Variants in LDAH observed in about 807,000 individuals in gnomAD.
LDAH encodes lipid droplet associated hydrolase.
Under a neutral mutation model 29.6 loss-of-function variants are expected in LDAH, and 26 were observed. The observed-to-expected ratio is 0.88, with a 90% confidence interval of 0.64 to 1.22. LDAH has a LOEUF of 1.22. Among genes scored for constraint, LDAH ranks in the 50% most tolerant of loss-of-function variants. The pLI, the probability that LDAH is intolerant of heterozygous loss-of-function variation, is 0.00. For synonymous variants in LDAH, 117 were observed against 133.0 expected (o/e 0.88, Z 0.83); for missense variants, 344 against 387.3 (o/e 0.89, Z 0.94).
intron 6 of LDAH, among the ~76,000 whole-genome samples, chr2:20,695,542 T>C (rs1481373757): frequency 6.7e-6 from 1 of 148,178 alleles, no homozygotes; most frequent in Non-Finnish European, 1.5e-5. Flanking sequence ...AACCTCCCCC[T>C]CCTGGGTTCA....
chr2:20,770,874 T>A (rs542987569), intron 4 of LDAH, among the ~76,000 whole-genome samples: 121 of 152,322 alleles, frequency 7.9e-4, no homozygotes, highest in African/African-American at 2.9e-3. Context: ...GCAAGGGACC[T>A]TTCTCTCACT....
intron 3 of LDAH, among the ~76,000 whole-genome samples, chr2:20,777,171 G>A (rs917287459): frequency 6.6e-6 from 1 of 151,986 alleles, no homozygotes; most frequent in South Asian, 2.1e-4. Flanking sequence ...AAAGAAAATG[G>A]GCTAAATATT....
intron 1 of LDAH, among the ~76,000 whole-genome samples, chr2:20,808,052 A>G (rs993969200): frequency 6.6e-6 from 1 of 152,164 alleles, no homozygotes; most frequent in Non-Finnish European, 1.5e-5. Flanking sequence ...AGCAACAAAC[A>G]ATTTGAAAAT....
intron 1 of LDAH, among the ~76,000 whole-genome samples, chr2:20,809,967 A>T (rs1217637783): frequency 6.6e-6 from 1 of 152,238 alleles, no homozygotes. Flanking sequence ...TTAAGAAAAT[A>T]AAGTGTTCTC....
At chr2:20,730,276 C>G (rs1373685442) in intron 5 of LDAH, among the ~76,000 whole-genome samples, 2 of 152,178 alleles carry the variant, frequency 1.3e-5, no homozygotes, top group East Asian at 3.8e-4. Flanking sequence ...AATAAACATT[C>G]ATATACAGGT....
chr2:20,719,878 T>C (rs974310996), intron 5 of LDAH, among the ~76,000 whole-genome samples: 2 of 152,102 alleles, frequency 1.3e-5, no homozygotes, highest in African/African-American at 4.8e-5. Context: ...CATATGATTG[T>C]TTCAATACAT....
At chr2:20,783,750 C>T (rs759207385) in intron 3 of LDAH, among the ~76,000 whole-genome samples, 33 of 152,184 alleles carry the variant, frequency 2.2e-4, no homozygotes, top group Non-Finnish European at 3.4e-4. Context: ...CTCACTCTGT[C>T]GCCCAGACTA....
At chr2:20,794,249 G>A (rs1179189475) in intron 2 of LDAH, among the ~76,000 whole-genome samples, 4 of 152,104 alleles carry the variant, frequency 2.6e-5, no homozygotes, top group Admixed American at 2.0e-4. Flanking sequence ...GCATGAGAAA[G>A]ACCTGCTCCC....
At chr2:20,731,206 G>C (rs111352094) in intron 5 of LDAH, among the ~76,000 whole-genome samples, 3 of 152,294 alleles carry the variant, frequency 2.0e-5, no homozygotes, top group Admixed American at 6.5e-5. Context: ...AATCCCCAAT[G>C]TTGGAGGTGG....
intron 3 of LDAH, among the ~76,000 whole-genome samples, chr2:20,782,974 A>G (rs895608592): frequency 6.6e-6 from 1 of 152,104 alleles, no homozygotes; most frequent in Non-Finnish European, 1.5e-5. Flanking sequence ...ATTTCCTTCT[A>G]AGCACTAGTT....
chr2:20,812,460 C>A, intron 1 of LDAH, among the ~76,000 whole-genome samples: 1 of 152,122 alleles, frequency 6.6e-6, no homozygotes, highest in Non-Finnish European at 1.5e-5. Context: ...CATCTGGGTG[C>A]CTCATTGATG....
chr2:20,702,011 G>A (rs1026590067), intron 5 of LDAH, among the ~76,000 whole-genome samples: 3 of 151,102 alleles, frequency 2.0e-5, no homozygotes, highest in Admixed American at 2.0e-4. Context: ...AATAAATCAT[G>A]TATACCAAGA....
In LDAH at chr2:20,739,982, G is replaced by T. The variant is rs762231344; in HGVS notation, c.692C>A (p.Pro231Gln). ...AAATCTGTGCTTACCAAGGCAGAATGGTTCTAATATATTCAATGGTGAAAA... is the reference window on the plus strand; with the variant it reads ...AAATCTGTGCTTACCAAGGCAGAATTGTTCTAATATATTCAATGGTGAAAA... ...NEFSPLNILE[P>Q]FCLANAAYLG... Residue 231 changes from proline (P) to glutamine (Q), a missense_variant, in exon 5 of 7, where the codon CCA (proline) becomes CAA (glutamine). Physicochemically the swap from Pro to Gln is moderately conservative, Grantham distance 76. Coordinates refer to ENST00000237822, the MANE Select transcript of LDAH (RefSeq NM_021925.4). 2 of 1,611,868 alleles carry T rather than the reference G, an allele frequency of 1.2e-6. No homozygotes were observed. The highest frequency in any genetic ancestry group is 4.5e-5 in the East Asian group (2 of 44,856).
At chr2:20,784,485 C>T (rs1353373201) in intron 3 of LDAH, among the ~76,000 whole-genome samples, 1 of 152,122 alleles carries the variant, frequency 6.6e-6, no homozygotes, top group Non-Finnish European at 1.5e-5. Context: ...CTTTGTTATA[C>T]TTGTTCTTTC....
At chr2:20,683,036 C>G (rs1221309047), downstream of LDAH, among the ~76,000 whole-genome samples, 1 of 152,234 alleles carries the variant, frequency 6.6e-6, no homozygotes, top group African/African-American at 2.4e-5. Flanking sequence ...CCTCTTCTCT[C>G]TTCCAAGAGC....
In LDAH at chr2:20,790,238, T is replaced by C. The variant is rs765516893; in HGVS notation, c.298+17A>G. On this transcript the variant is annotated intron_variant, in intron 3 of 6. Coordinates refer to ENST00000237822, the MANE Select transcript of LDAH (RefSeq NM_021925.4). Reference sequence around the variant, plus strand: ...TGCACTCACTCTAAAGGAAAGTAGATATTAACAAGGACATACCCTCTGATG... The same window carrying C: ...TGCACTCACTCTAAAGGAAAGTAGACATTAACAAGGACATACCCTCTGATG... The C allele has an allele frequency of 2.5e-5, 40 of 1,613,384 alleles. No homozygotes were observed. Among genetic ancestry groups the C allele is most frequent in the Non-Finnish European group, 3.3e-5 (39 of 1,179,678 alleles).
chr2:20,760,648 T>C (rs549193339), intron 4 of LDAH, among the ~76,000 whole-genome samples: 1 of 152,342 alleles, frequency 6.6e-6, no homozygotes, highest in East Asian at 1.9e-4. Context: ...AGCTTTCAGC[T>C]TCTAGTGGCC....
intron 4 of LDAH, among the ~76,000 whole-genome samples, chr2:20,747,817 T>C (rs890053047): frequency 6.6e-6 from 1 of 152,194 alleles, no homozygotes; most frequent in African/African-American, 2.4e-5. Flanking sequence ...TTATATATAT[T>C]GTTTCATTTA....
chr2:20,685,099 G>C lies in LDAH; in HGVS notation c.*1804C>G. ...ATTTCAAAAATTCATTTGGTTTTCA[G>C]ATGATAAATAGGAATTAAGAATGAG... is the stretch of plus-strand genomic sequence containing the variant. On this transcript the variant is annotated 3_prime_UTR_variant, in exon 7 of 7. Coordinates refer to ENST00000237822, the MANE Select transcript of LDAH (RefSeq NM_021925.4). 1.3e-6 allele frequency: 1 copy of C among 786,358 alleles called. No homozygotes were observed. Among genetic ancestry groups the C allele is most frequent in the South Asian group, 3.1e-5 (1 of 31,846 alleles). 48.7% of individuals were successfully genotyped at this position (786,358 alleles called of 1,614,324 possible).
Sources: gnomAD v4.1 joint callset for allele counts (sites outside exome capture counted in the v4.1 genomes callset) on GRCh38, gnomAD v4.1.1 for gene constraint, MANE v1.5 for transcripts, NCBI Gene and HGNC (gene_info 2026-07-23, HGNC 2026-07-21) for gene names.